The following CNTN5 variants were observed in gnomAD, a reference collection of about 807,000 sequenced individuals.
The protein encoded by CNTN5 is contactin 5.
Under a neutral mutation model 129.1 loss-of-function variants are expected in CNTN5, and 77 were observed. The ratio of observed to expected loss-of-function variants is 0.60; its 90% CI spans 0.50 to 0.72. The LOEUF (loss-of-function observed/expected upper bound fraction) is 0.72, where lower values mean the gene tolerates loss of function less well. Ranked by LOEUF, CNTN5 falls within the 30% of genes least tolerant of loss-of-function variation. The pLI, the probability that CNTN5 is intolerant of heterozygous loss-of-function variation, is 0.00. For synonymous variants in CNTN5, 509 were observed against 465.6 expected (o/e 1.09, Z -1.20); for missense variants, 1,478 against 1,328.8 (o/e 1.11, Z -1.75).
chr11:99,609,580 C>T (rs1421603249), intron 3 of CNTN5, among the ~76,000 whole-genome samples: 2 of 152,046 alleles, frequency 1.3e-5, no homozygotes, highest in Admixed American at 1.3e-4. Context: ...AGGAAAGAAA[C>T]AGGAATTGGT....
At chr11:99,868,850 T>C (rs1948426176) in intron 6 of CNTN5, among the ~76,000 whole-genome samples, 1 of 152,180 alleles carries the variant, frequency 6.6e-6, no homozygotes. Flanking sequence ...GGGACACGTA[T>C]AGGTTTTTAA....
At position 99,194,057 on chromosome 11, in the gene CNTN5, A is replaced by G. The variant is rs1200991989; in HGVS notation, c.-209-131289A>G. Among the ~76,000 whole-genome samples the G allele has an allele frequency of 3.3e-5, 5 of 152,318 alleles. 1 individual carries two copies. The highest frequency in any genetic ancestry group is 6.8e-3 in the Middle Eastern group (2 of 294). On this transcript the variant is annotated intron_variant, in intron 1 of 24. Transcript: ENST00000524871. Reference sequence around the variant, plus strand: ...GAACAAGCTAGTTTTTAGAAAATGTAATTTTAAAATAAGATACTTCTTTAG... The same window carrying G: ...GAACAAGCTAGTTTTTAGAAAATGTGATTTTAAAATAAGATACTTCTTTAG...
rs568349907 is a variant in CNTN5, at chr11:99,623,883, A to G, written c.55+67614A>G. On this transcript the variant is annotated intron_variant, in intron 3 of 24. Transcript: ENST00000524871. ...ATCAAAACCTTTGTTTCTGACATACATCATTTAAATAACTGTAGTTCTCAT... is the reference window on the plus strand; with the variant it reads ...ATCAAAACCTTTGTTTCTGACATACGTCATTTAAATAACTGTAGTTCTCAT... 2.5e-4 allele frequency among the ~76,000 whole-genome samples: 38 copies of G among 152,252 alleles called. No individual in the cohort carries two copies. The South Asian group carries it at 7.2e-3, about 29-fold the overall frequency.
chr11:99,023,528 T>G (rs1050264041), intron 1 of CNTN5, among the ~76,000 whole-genome samples: 4 of 152,188 alleles, frequency 2.6e-5, no homozygotes, highest in Admixed American at 2.6e-4. Flanking sequence ...AGGCATAATT[T>G]GTGAAGATTA....
At chr11:99,744,330 A>G (rs373334719) in intron 3 of CNTN5, among the ~76,000 whole-genome samples, 1 of 151,850 alleles carries the variant, frequency 6.6e-6, no homozygotes, top group African/African-American at 2.4e-5. Flanking sequence ...CAAACAAACA[A>G]ACAAACAAAC....
chr11:99,826,942 A>G (rs1170611668), intron 4 of CNTN5, among the ~76,000 whole-genome samples: 2 of 152,182 alleles, frequency 1.3e-5, no homozygotes, highest in Non-Finnish European at 2.9e-5. Flanking sequence ...GAAAAAACTG[A>G]TAATTATTTC....
chr11:100,321,600 C>G (rs567449217), intron 21 of CNTN5, among the ~76,000 whole-genome samples: 9 of 152,192 alleles, frequency 5.9e-5, no homozygotes, highest in African/African-American at 2.2e-4. Flanking sequence ...AGAGAAGTGG[C>G]AAGAGTATGC....
intron 2 of CNTN5, among the ~76,000 whole-genome samples, chr11:99,467,915 T>C (rs1945009321): frequency 6.6e-6 from 1 of 152,146 alleles, no homozygotes; most frequent in Non-Finnish European, 1.5e-5. Context: ...GGTATTGAGA[T>C]TGGGAAACAT....
At chr11:99,544,873 A>C (rs865950478) in intron 2 of CNTN5, among the ~76,000 whole-genome samples, 1 of 152,220 alleles carries the variant, frequency 6.6e-6, no homozygotes, top group African/African-American at 2.4e-5. Context: ...GAAAAAATCA[A>C]TAATAGCCAT....
Position 99,666,427 on chromosome 11 carries a change from G to A in CNTN5, c.55+110158G>A, listed in dbSNP as rs183186109. ...AGAAATGAGCAAAGAGACTTTCTCC[G>A]AGGTTGGTTTGGATCCTGAGCTGTA... is the stretch of plus-strand genomic sequence containing the variant. On this transcript the variant is annotated intron_variant, in intron 3 of 24. Coordinates refer to ENST00000524871, the MANE Select transcript of CNTN5 (RefSeq NM_014361.4). Among the ~76,000 whole-genome samples, 507 of 152,242 alleles carry A rather than the reference G, an allele frequency of 3.3e-3. 6 individuals are homozygous for A. The highest frequency in any genetic ancestry group is 5.1e-3 in the Non-Finnish European group (346 of 67,994).
chr11:99,483,726 A>G (rs1945696150), intron 2 of CNTN5, among the ~76,000 whole-genome samples: 1 of 149,048 alleles, frequency 6.7e-6, no homozygotes, highest in Non-Finnish European at 1.5e-5. Context: ...ACAGAAATAG[A>G]AAAAAAAGAA....
At chr11:99,679,023 A>AAT (rs991994280) in intron 3 of CNTN5, among the ~76,000 whole-genome samples, 1 of 147,168 alleles carries the variant, frequency 6.8e-6, no homozygotes, top group Non-Finnish European at 1.5e-5. Context: ...ATTTCTTTTA[A>AAT]ATATATATAT....
chr11:99,977,518 C>T (rs1284875007), intron 8 of CNTN5, among the ~76,000 whole-genome samples: 3 of 152,206 alleles, frequency 2.0e-5, no homozygotes, highest in Non-Finnish European at 4.4e-5. Flanking sequence ...TTCTGCATGG[C>T]TGAGAAGGCC....
chr11:99,126,418 A>T (rs927887333), intron 1 of CNTN5, among the ~76,000 whole-genome samples: 5 of 152,180 alleles, frequency 3.3e-5, no homozygotes, highest in African/African-American at 1.2e-4. Context: ...GTGTGACTAA[A>T]GTTGAGAGGC....
chr11:99,745,529 G>C (rs1288743511), intron 3 of CNTN5, among the ~76,000 whole-genome samples: 1 of 151,856 alleles, frequency 6.6e-6, no homozygotes, highest in Non-Finnish European at 1.5e-5. Flanking sequence ...CTTGTAAATA[G>C]CTTTCATTTT....
At chr11:99,175,651 G>T (rs772015708) in intron 1 of CNTN5, among the ~76,000 whole-genome samples, 14 of 152,128 alleles carry the variant, frequency 9.2e-5, no homozygotes, top group Non-Finnish European at 1.5e-4. Flanking sequence ...TCTTCTTTCT[G>T]CCAGAGATCT....
intron 3 of CNTN5, among the ~76,000 whole-genome samples, chr11:99,687,784 G>C (rs568508897): frequency 1.2e-4 from 18 of 152,236 alleles, no homozygotes; most frequent in Middle Eastern, 3.4e-3. Flanking sequence ...CAAAAGTCTT[G>C]GTAATATGTC....
At chr11:99,416,544 C>T (rs1159362032) in intron 2 of CNTN5, among the ~76,000 whole-genome samples, 1 of 152,090 alleles carries the variant, frequency 6.6e-6, no homozygotes, top group Non-Finnish European at 1.5e-5. Flanking sequence ...GCTTAATCTC[C>T]CAAACTGCTG....
At chr11:99,801,027 A>G (rs1946097889) in intron 3 of CNTN5, among the ~76,000 whole-genome samples, 1 of 152,036 alleles carries the variant, frequency 6.6e-6, no homozygotes, top group Non-Finnish European at 1.5e-5. Context: ...TCTGTGGGTT[A>G]TGTACTTAAG....
Sources: allele counts gnomAD v4.1 joint callset (sites outside exome capture counted in the v4.1 genomes callset), GRCh38; gene constraint gnomAD v4.1.1; transcripts MANE v1.5; gene names NCBI Gene and HGNC (gene_info 2026-07-23, HGNC 2026-07-21).